PCCA: variants seen among roughly 807,000 people sequenced by gnomAD.
PCCA encodes propionyl-CoA carboxylase subunit alpha, also known as propionyl-CoA carboxylase alpha chain, mitochondrial.
A neutral mutation model predicts 101.3 loss-of-function variants in PCCA; 74 were observed. The observed-to-expected ratio is 0.73, with a 90% confidence interval of 0.61 to 0.89. The LOEUF (loss-of-function observed/expected upper bound fraction) is 0.89. PCCA is among the 40% of genes least tolerant of loss of function. The pLI, the probability that PCCA is intolerant of heterozygous loss-of-function variation, is 0.00. For synonymous variants in PCCA, 294 were observed against 313.6 expected, an observed-to-expected ratio of 0.94 and a Z score of 0.66; for missense variants, 891 against 907.0, an observed-to-expected ratio of 0.98 and a Z score of 0.23.
At chr13:100,322,401 A>G (rs1034267) in intron 16 of PCCA, among the ~76,000 whole-genome samples, 140,746 of 152,080 alleles carry the variant, frequency 0.93, 66,105 homozygotes, top group East Asian at 1. Flanking sequence ...TTCTATTACT[A>G]TGGAAAAATG....
intron 17 of PCCA, among the ~76,000 whole-genome samples, chr13:100,338,472 C>T (rs1366106867): frequency 1.3e-5 from 2 of 151,956 alleles, no homozygotes; most frequent in African/African-American, 2.4e-5. Context: ...CTATGAAAAT[C>T]ATTTGACCTT....
intron 21 of PCCA, among the ~76,000 whole-genome samples, chr13:100,494,654 G>C (rs1311066281): frequency 6.7e-6 from 1 of 149,106 alleles, no homozygotes; most frequent in Non-Finnish European, 1.5e-5. Flanking sequence ...TTGCACTCTA[G>C]CCTGGGCAAC....
chr13:100,308,563 C>T (rs2066649103), intron 15 of PCCA, among the ~76,000 whole-genome samples: 1 of 150,826 alleles, frequency 6.6e-6, no homozygotes, highest in African/African-American at 2.4e-5. Context: ...TGAGCTCAAG[C>T]AATCCACCCG....
chr13:100,098,518 G>A (rs1441775555), intron 1 of PCCA, among the ~76,000 whole-genome samples: 1 of 152,162 alleles, frequency 6.6e-6, no homozygotes, highest in Admixed American at 6.5e-5. Context: ...CAGGGTCGGG[G>A]GAGCTCTCAG....
chr13:100,164,367 G>T (rs763244970), intron 6 of PCCA, among the ~76,000 whole-genome samples: 1 of 152,164 alleles, frequency 6.6e-6, no homozygotes, highest in African/African-American at 2.4e-5. Context: ...ATAGGAGAGT[G>T]GCAGTGGTAG....
chr13:100,427,224 A>G (rs1188152574), intron 20 of PCCA, among the ~76,000 whole-genome samples: 1 of 152,166 alleles, frequency 6.6e-6, no homozygotes, highest in Non-Finnish European at 1.5e-5. Context: ...CTCCAAAACA[A>G]ACAAACAAAA....
At chr13:100,191,298 C>G (rs2057726919) in intron 6 of PCCA, among the ~76,000 whole-genome samples, 2 of 152,180 alleles carry the variant, frequency 1.3e-5, no homozygotes. Flanking sequence ...TACCGCAGAA[C>G]TATTACTGTC....
At chr13:100,206,088 G>T (rs148978418) in intron 6 of PCCA, among the ~76,000 whole-genome samples, 1 of 151,908 alleles carries the variant, frequency 6.6e-6, no homozygotes. Flanking sequence ...TGAAAATAAG[G>T]TTCTACTAAA....
chr13:100,132,653 A>C (rs2050665281), intron 4 of PCCA, among the ~76,000 whole-genome samples: 1 of 152,184 alleles, frequency 6.6e-6, no homozygotes. Context: ...TCTAGTATAA[A>C]TATCTAGGAG....
intron 18 of PCCA, among the ~76,000 whole-genome samples, chr13:100,349,378 C>T (rs1368646329): frequency 6.6e-6 from 1 of 152,156 alleles, no homozygotes; most frequent in Non-Finnish European, 1.5e-5. Flanking sequence ...CCACCCACCT[C>T]GGCCTCCCAA....
intron 21 of PCCA, among the ~76,000 whole-genome samples, chr13:100,453,856 A>ATTTGT (rs1566350936): frequency 2.6e-5 from 4 of 152,022 alleles, no homozygotes; most frequent in Non-Finnish European, 5.9e-5. Context: ...TGTCTTTTTG[A>ATTTGT]TTTGTTTTGT....
chr13:100,411,872 T>C (rs964469489), intron 19 of PCCA, among the ~76,000 whole-genome samples: 2 of 152,166 alleles, frequency 1.3e-5, no homozygotes, highest in African/African-American at 2.4e-5. Flanking sequence ...TACTGTCATA[T>C]TGAGAGTTAG....
chr13:100,525,014 TAGA>T (rs1566511267), intron 22 of PCCA, among the ~76,000 whole-genome samples: 1 of 148,644 alleles, frequency 6.7e-6, no homozygotes, highest in Non-Finnish European at 1.5e-5. Context: ...GATAGATAGA[TAGA>T]TAGATAGATA....
chr13:100,486,513 G>C (rs2084383698), intron 21 of PCCA, among the ~76,000 whole-genome samples: 1 of 152,172 alleles, frequency 6.6e-6, no homozygotes, highest in South Asian at 2.1e-4. Context: ...TTAAAATAGT[G>C]ATCAGGTAAA....
At chr13:100,193,382 A>G (rs2057871222) in intron 6 of PCCA, among the ~76,000 whole-genome samples, 1 of 152,160 alleles carries the variant, frequency 6.6e-6, no homozygotes, top group South Asian at 2.1e-4. Context: ...CGCCCTTGAG[A>G]GCTGTGAAGT....
intron 19 of PCCA, among the ~76,000 whole-genome samples, chr13:100,382,279 G>A (rs977284667): frequency 1.3e-5 from 2 of 152,132 alleles, no homozygotes; most frequent in African/African-American, 2.4e-5. Context: ...CCTGAAGTCC[G>A]GCTGGATTTT....
At chr13:100,206,886 A>G (rs1471496643) in intron 6 of PCCA, among the ~76,000 whole-genome samples, 1 of 152,114 alleles carries the variant, frequency 6.6e-6, no homozygotes, top group Non-Finnish European at 1.5e-5. Flanking sequence ...CCCATAGAGA[A>G]AAGGACGCAG....
At chr13:100,296,161 A>T (rs1270236294) in intron 12 of PCCA, among the ~76,000 whole-genome samples, 2 of 152,176 alleles carry the variant, frequency 1.3e-5, no homozygotes, top group Non-Finnish European at 2.9e-5. Flanking sequence ...GTCAAGTCAG[A>T]TGTCTTTATT....
At chr13:100,465,447 C>G (rs184776046) in intron 21 of PCCA, among the ~76,000 whole-genome samples, 20 of 152,228 alleles carry the variant, frequency 1.3e-4, no homozygotes. Flanking sequence ...ATGATAGGAT[C>G]TAAAGTATAA....
Sources: gnomAD v4.1 joint callset for allele counts (sites outside exome capture counted in the v4.1 genomes callset) on GRCh38, gnomAD v4.1.1 for gene constraint, MANE v1.5 for transcripts, NCBI Gene and HGNC (gene_info 2026-07-23, HGNC 2026-07-21) for gene names.